The following OTUD7A variants were observed in gnomAD, a reference collection of about 807,000 sequenced individuals.
OTUD7A encodes OTU deubiquitinase 7A, also known as OTU domain-containing protein 7A.
In OTUD7A, 12 loss-of-function variants were observed where a neutral mutation model predicts 65.7. That is an observed-to-expected ratio of 0.18 (90% CI 0.12 to 0.30). The LOEUF is 0.30. Among genes scored for constraint, OTUD7A ranks in the 10% least tolerant of loss-of-function variants. The pLI is 1.00. For synonymous variants in OTUD7A, 641 were observed against 586.3 expected (o/e 1.09, Z -1.35); for missense variants, 1,148 against 1,304.8 (o/e 0.88, Z 1.85).
At chr15:31,565,468 G>C (rs1417185959) in intron 4 of OTUD7A, among the ~76,000 whole-genome samples, 1 of 152,046 alleles carries the variant, frequency 6.6e-6, no homozygotes, top group Non-Finnish European at 1.5e-5. Context: ...TATGTGGAGA[G>C]GCATACATAA....
intron 1 of OTUD7A, among the ~76,000 whole-genome samples, chr15:31,716,996 T>C (rs1395733104): frequency 6.6e-6 from 1 of 152,232 alleles, no homozygotes; most frequent in Non-Finnish European, 1.5e-5. Context: ...AAAAATAGTA[T>C]ACAGAATTCC....
intron 3 of OTUD7A, among the ~76,000 whole-genome samples, chr15:31,573,478 TGAA>T (rs1426202911): frequency 2.0e-5 from 3 of 152,208 alleles, no homozygotes; most frequent in African/African-American, 4.8e-5. Flanking sequence ...ATACAAGTGA[TGAA>T]GAAGAATATC....
chr15:31,787,248 C>G (rs1183782286), intron 1 of OTUD7A, among the ~76,000 whole-genome samples: 1 of 152,130 alleles, frequency 6.6e-6, no homozygotes, highest in African/African-American at 2.4e-5. Flanking sequence ...GAAGACTGTA[C>G]AGTTATTGGT....
chr15:31,545,559 C>A (rs1249135793), intron 5 of OTUD7A, among the ~76,000 whole-genome samples: 4 of 151,884 alleles, frequency 2.6e-5, no homozygotes, highest in African/African-American at 9.7e-5. Flanking sequence ...TCCCACAAGT[C>A]AATCAAAAAG....
intron 5 of OTUD7A, among the ~76,000 whole-genome samples, chr15:31,536,538 AAG>A (rs1200874579): frequency 2.6e-5 from 4 of 152,254 alleles, no homozygotes; most frequent in Non-Finnish European, 5.9e-5. Flanking sequence ...TTCTTTAAAA[AAG>A]AGAGAAATAT....
chr15:31,643,108 C>T (rs1199037735), intron 3 of OTUD7A, among the ~76,000 whole-genome samples: 5 of 152,056 alleles, frequency 3.3e-5, no homozygotes, highest in African/African-American at 1.2e-4. Context: ...TTATTTTAGG[C>T]TGCTTACATT....
chr15:31,548,175 G>A (rs148674226), intron 5 of OTUD7A, among the ~76,000 whole-genome samples: 112 of 147,928 alleles, frequency 7.6e-4, no homozygotes, highest in Middle Eastern at 3.5e-3. Flanking sequence ...GGGGACTGCC[G>A]TGATTTGTGG....
chr15:31,587,890 C>T (rs1889596755), intron 3 of OTUD7A, among the ~76,000 whole-genome samples: 1 of 151,794 alleles, frequency 6.6e-6, no homozygotes, highest in Admixed American at 6.6e-5. Flanking sequence ...TATGCATTCT[C>T]AAAATATCTG....
intron 1 of OTUD7A, among the ~76,000 whole-genome samples, chr15:31,843,708 C>T (rs1456839200): frequency 6.6e-6 from 1 of 152,192 alleles, no homozygotes; most frequent in Non-Finnish European, 1.5e-5. Context: ...ATTTTTTCTG[C>T]TACGCCTAAC....
rs985675115 is a variant in OTUD7A at position 31,638,569 on chromosome 15, T to G, written c.151+16527A>C. Among the ~76,000 whole-genome samples, 12 of 151,328 alleles carry G rather than the reference T, an allele frequency of 7.9e-5. No individual in the cohort carries two copies. The East Asian group carries it at 1.8e-3, about 22-fold the overall frequency. On this transcript the variant is annotated intron_variant, in intron 3 of 12. Transcript: ENST00000307050. ...TGATTTTTGTAGGTTTTTGTTTTTT[T>G]TTTTTTCAATAGAGACGAGGTCTCA...
At chr15:31,630,446 G>C (rs1313133668) in intron 3 of OTUD7A, among the ~76,000 whole-genome samples, 1 of 152,128 alleles carries the variant, frequency 6.6e-6, no homozygotes, top group African/African-American at 2.4e-5. Context: ...ATTGCACTGT[G>C]GTCTGAGAGA....
chr15:31,524,260 A>G (rs1242184632), intron 8 of OTUD7A, among the ~76,000 whole-genome samples: 1 of 152,144 alleles, frequency 6.6e-6, no homozygotes, highest in Non-Finnish European at 1.5e-5. Context: ...TGTGGGGACC[A>G]GGTGGCTGTG....
At chr15:31,645,055 GCT>G in intron 3 of OTUD7A, among the ~76,000 whole-genome samples, 1 of 152,262 alleles carries the variant, frequency 6.6e-6, no homozygotes, top group African/African-American at 2.4e-5. Context: ...AGCTGTCTCC[GCT>G]CTCAGGCTCT....
Sources: gnomAD v4.1 joint callset for allele counts (sites outside exome capture counted in the v4.1 genomes callset) on GRCh38, gnomAD v4.1.1 for gene constraint, MANE v1.5 for transcripts, NCBI Gene and HGNC (gene_info 2026-07-23, HGNC 2026-07-21) for gene names.